The following AP5Z1 variants were observed in gnomAD, a reference collection of about 807,000 sequenced individuals.
AP5Z1 encodes the protein AP-5 complex subunit zeta-1.
In AP5Z1, 106 loss-of-function variants were observed where a neutral mutation model predicts 83.0. The ratio of observed to expected loss-of-function variants is 1.28; its 90% confidence interval spans 1.09 to 1.50. AP5Z1 has a LOEUF of 1.50. Among genes scored for constraint, AP5Z1 ranks in the 40% most tolerant of loss-of-function variants. The pLI is 0.00. For synonymous variants in AP5Z1, 751 were observed against 514.1 expected (o/e 1.46, Z -6.23); for missense variants, 1,565 against 1,094.2 (o/e 1.43, Z -6.07).
chr7:4,788,413 G>C (rs763429352), intron 12 of AP5Z1, 119 bp downstream of exon 12: 8 of 1,255,132 alleles, frequency 6.4e-6, no homozygotes, highest in Non-Finnish European at 8.6e-6. Context: ...TCCCACACAA[G>C]GCTGCGTCCC....
chr7:4,777,642 G>A (rs1583224077), intron 1 of AP5Z1, among the ~76,000 whole-genome samples: 1 of 152,096 alleles, frequency 6.6e-6, no homozygotes, highest in South Asian at 2.1e-4. Context: ...GCCTGACTCG[G>A]CCCCTCGAAG....
In AP5Z1 at chr7:4,791,345, G is replaced by T. The variant is rs1266870234; in HGVS notation, c.2384G>T (p.Ser795Ile). 1.2e-6 allele frequency: 2 copies of T among 1,609,098 alleles called. No individual in the cohort carries two copies. Among genetic ancestry groups the T allele is most frequent in the South Asian group, 2.2e-5 (2 of 90,336 alleles). The part of the protein sequence containing the change: ...TALPLALRTV[S>I]RLVEREAGLM... ...CTGCCCCTGGCCCTGCGCACGGTCA[G>T]CCGGCTGGTGGAGAGGGAGGCCGGC... The change falls in exon 17 of 17, where the codon AGC becomes ATC. Residue 795 changes from serine to isoleucine, a missense_variant. Transcript: ENST00000649063.
At chr7:4,784,811 G>T (rs1257590234) in intron 6 of AP5Z1, 97 bp from the exon 7 acceptor site, 1 of 1,458,196 alleles carries the variant, frequency 6.9e-7, no homozygotes, top group African/African-American at 1.4e-5. Context: ...GAGGGGCTGC[G>T]GCCTGTGCTC....
intron 14 of AP5Z1, 158 bp from the exon 15 acceptor site, chr7:4,790,301 G>A: frequency 6.5e-7 from 1 of 1,546,322 alleles, no homozygotes. Flanking sequence ...AGTGAGAACA[G>A]TTTCTCTGAG....
At chr7:4,789,992 T>TCTCC in intron 14 of AP5Z1, 63 bp downstream of exon 14, 1 of 516,478 alleles carries the variant, frequency 1.9e-6, no homozygotes, top group Non-Finnish European at 2.5e-6. Context: ...CCTCCCCCTC[T>TCTCC]CCCCTCCCCC....
At position 4,785,037 on chromosome 7, in the gene AP5Z1, A is replaced by AAAG; in HGVS notation, c.921_923dup (p.Gln307_Ser308insArg). On this transcript the variant is annotated inframe_insertion, in exon 7 of 17. Transcript: ENST00000649063. ...GAGTACTGCCAGCGCCTCATTGAGC[A>AAAG]AAGTAACCGACGTGAGTCCCCCACC... is the stretch of plus-strand genomic sequence containing the variant. 6.2e-7 allele frequency: 1 copy of AAAG among 1,601,722 alleles called. No homozygotes were observed. The highest frequency in any genetic ancestry group is 8.5e-7 in the Non-Finnish European group (1 of 1,171,812).
Position 4,790,813 on chromosome 7 carries a change from T to TCC in AP5Z1, c.2085_2086dup (p.Gln696ProfsTer7). Reference sequence around the variant, plus strand: ...GCCCCTCTGCTGCCCTGCCCAGGTGTCCCCCCCAGGTGGTCACCGTGCTGA... The same window carrying TCC: ...GCCCCTCTGCTGCCCTGCCCAGGTGTCCCCCCCCCAGGTGGTCACCGTGCTGA... On this transcript the variant is annotated frameshift_variant, in exon 16 of 17. Coordinates refer to ENST00000649063, the MANE Select transcript of AP5Z1 (RefSeq NM_014855.3). LOFTEE classifies it high-confidence loss of function. 3 of 1,608,904 alleles carry TCC rather than the reference T, an allele frequency of 1.9e-6. No individual in the cohort carries two copies. The highest frequency in any genetic ancestry group is 2.5e-6 in the Non-Finnish European group (3 of 1,178,784).
chr7:4,786,147 G>T, intron 9 of AP5Z1, 103 bp from the exon 10 acceptor site: 1 of 1,256,532 alleles, frequency 8.0e-7, no homozygotes, highest in Non-Finnish European at 1.1e-6. Flanking sequence ...GGAGCCCTTG[G>T]TGTCCTGGAG....
intron 4 of AP5Z1, 76 bp from the exon 5 acceptor site, chr7:4,783,613 A>AGTC: frequency 2.0e-6 from 3 of 1,510,344 alleles, no homozygotes; most frequent in Non-Finnish European, 2.7e-6. Context: ...TTCTGAGAAA[A>AGTC]GTCGGCCAGC....
In AP5Z1 at chr7:4,788,819, AC is replaced by A; in HGVS notation, c.1596-20del. ...CCAGGTCGGGGAGCGGGCAGCACTC[AC>A]GGCCACACTGTGTCCTCAGGTTGGC... is the stretch of plus-strand genomic sequence containing the variant. On this transcript the variant is annotated intron_variant, in intron 12 of 16. Transcript: ENST00000649063. 6.3e-7 allele frequency: 1 copy of A among 1,577,796 alleles called. No individual in the cohort carries two copies. The highest frequency in any genetic ancestry group is 8.6e-7 in the Non-Finnish European group (1 of 1,161,960).
Position 4,788,131 on chromosome 7 carries a change from GCCT to G in AP5Z1, c.1455-22_1455-20del. The G allele has an allele frequency of 1.3e-6, 2 of 1,509,374 alleles. No homozygotes were observed. The highest frequency in any genetic ancestry group is 8.9e-7 in the Non-Finnish European group (1 of 1,122,464). The allele number at this position is 1,509,374 out of a possible 1,614,324, so 93.5% of individuals were successfully genotyped here. ...AGTGCAGGGGCCGCATCCCAGCCTGGCCTTGGGCGTCTGTCCACGCAGGTCAGC... is the reference window on the plus strand; with the variant it reads ...AGTGCAGGGGCCGCATCCCAGCCTGGTGGGCGTCTGTCCACGCAGGTCAGC... On this transcript the variant is annotated intron_variant, in intron 11 of 16. Transcript: ENST00000649063.
rs2115132871 is a variant in AP5Z1, at chr7:4,791,792, C to G, written c.*407C>G. On this transcript the variant is annotated 3_prime_UTR_variant, in exon 17 of 17. Transcript: ENST00000649063. ...AAGAGTGCGCGATCAGTTCCGTTAC[C>G]TGCCCTGCACCCTGGGGAGAGGACC... is the stretch of plus-strand genomic sequence containing the variant. 5.7e-6 allele frequency: 1 copy of G among 175,170 alleles called. No homozygotes were observed. Among genetic ancestry groups the G allele is most frequent in the East Asian group, 1.6e-4 (1 of 6,320 alleles). The allele number at this position is 175,170 out of a possible 1,614,324, so 10.9% of individuals were successfully genotyped here.
chr7:4,790,354 C>CACCTACCACT (rs200630435), intron 14 of AP5Z1, 105 bp from the exon 15 acceptor site: 32,630 of 1,574,238 alleles, frequency 0.021, 435 homozygotes, highest in Middle Eastern at 0.049. Context: ...GTGCAGCATA[C>CACCTACCACT]ACCTACCACT....
chr7:4,782,535 G>C (rs1261096109), intron 3 of AP5Z1, among the ~76,000 whole-genome samples: 2 of 152,166 alleles, frequency 1.3e-5, no homozygotes, highest in Non-Finnish European at 2.9e-5. Context: ...TCCTGTGCTG[G>C]GGTGCAGCCT....
At chr7:4,784,846 A>G in intron 6 of AP5Z1, 62 bp from the exon 7 acceptor site, 1 of 1,556,074 alleles carries the variant, frequency 6.4e-7, no homozygotes, top group Non-Finnish European at 8.7e-7. Context: ...CAAGCAGGGC[A>G]GCAGGCATGT....
intron 10 of AP5Z1, among the ~76,000 whole-genome samples, chr7:4,787,108 C>G (rs116366894): frequency 2.6e-5 from 4 of 152,106 alleles, no homozygotes; most frequent in African/African-American, 9.7e-5. Flanking sequence ...TTTGCAGCCT[C>G]GCCTCGCTGT....
chr7:4,783,629 A>C, intron 4 of AP5Z1, 60 bp from the exon 5 acceptor site: 1 of 1,517,540 alleles, frequency 6.6e-7, no homozygotes, highest in Non-Finnish European at 8.9e-7. Context: ...CCAGCATCCC[A>C]ACAACCCAGG....
In AP5Z1 at chr7:4,790,723, C is replaced by G; in HGVS notation, c.1989C>G (p.Thr663=). ...YLSVTYDRRC[T]VEQINKFFEA... ...CGGTGACCTACGATCGGAGGTGCAC[C>G]GTGGAGCAGATCAACAAGTTCTTCG... is the stretch of plus-strand genomic sequence containing the variant. Residue 663 remains threonine (T), a synonymous_variant, in exon 16 of 17, where the codon ACC becomes ACG. Transcript: ENST00000649063. 1 of 1,610,846 alleles carries G rather than the reference C, an allele frequency of 6.2e-7. No homozygotes were observed. The highest frequency in any genetic ancestry group is 2.2e-5 in the East Asian group (1 of 44,808).
At position 4,785,616 on chromosome 7, in the gene AP5Z1, GGCGGGTGCGCGGGGACCCGGCCTCTGT is replaced by G. The variant is rs1339701497; in HGVS notation, c.1073_1099del (p.Arg358_Val366del). 8.2e-6 allele frequency: 13 copies of G among 1,584,508 alleles called. No homozygotes were observed. Among genetic ancestry groups the G allele is most frequent in the Admixed American group, 3.6e-5 (2 of 56,336 alleles). ...CTCTCCTGCCTGAAGGCCCTGCACGGGCGGGTGCGCGGGGACCCGGCCTCTGTGCGGGTGCTGCTGCCCCTCGCCCAC... is the reference window on the plus strand; with the variant it reads ...CTCTCCTGCCTGAAGGCCCTGCACGGGCGGGTGCTGCTGCCCCTCGCCCAC... On this transcript the variant is annotated inframe_deletion, in exon 9 of 17. Coordinates refer to ENST00000649063, the MANE Select transcript of AP5Z1 (RefSeq NM_014855.3).
Sources: allele counts gnomAD v4.1 joint callset (sites outside exome capture counted in the v4.1 genomes callset), GRCh38; gene constraint gnomAD v4.1.1; transcripts MANE v1.5; gene names NCBI Gene and HGNC (gene_info 2026-07-23, HGNC 2026-07-21).